Variants in TMEM268 observed in about 807,000 individuals in gnomAD.
TMEM268 encodes transmembrane protein 268, also known as transmembrane protein C9orf91.
TMEM268 carries 24 observed loss-of-function variants against 39.1 expected under a neutral mutation model. The ratio of observed to expected loss-of-function variants is 0.61; its 90% CI spans 0.44 to 0.86. The LOEUF (loss-of-function observed/expected upper bound fraction) is 0.86, where lower values mean the gene tolerates loss of function less well. TMEM268 is among the 40% of genes least tolerant of loss of function. The pLI is 0.00. For missense variants in TMEM268, 409 were observed against 428.6 expected, an observed-to-expected ratio of 0.95 and a Z score of 0.40; for synonymous variants, 176 against 173.5, an observed-to-expected ratio of 1.01 and a Z score of -0.12.
intron 6 of TMEM268, among the ~76,000 whole-genome samples, chr9:114,635,689 G>C (rs566322961): frequency 6.6e-6 from 1 of 152,082 alleles, no homozygotes; most frequent in African/African-American, 2.4e-5. Context: ...AAAAAAAAAA[G>C]AATGGACACA....
At chr9:114,613,781 T>C (rs1845599296) in intron 1 of TMEM268, among the ~76,000 whole-genome samples, 1 of 152,112 alleles carries the variant, frequency 6.6e-6, no homozygotes, top group African/African-American at 2.4e-5. Context: ...TAAGGGTGAT[T>C]TCATGAACAT....
chr9:114,624,525 A>G, intron 3 of TMEM268, 66 bp downstream of exon 3: 1 of 1,530,082 alleles, frequency 6.5e-7, no homozygotes, highest in Non-Finnish European at 8.8e-7. Flanking sequence ...CTATCTTTTC[A>G]TCCAGTTTTT....
intron 6 of TMEM268, among the ~76,000 whole-genome samples, chr9:114,636,215 C>T (rs896754848): frequency 1.3e-5 from 2 of 152,070 alleles, no homozygotes; most frequent in African/African-American, 4.8e-5. Flanking sequence ...TTGGCCGGCC[C>T]CTGGGGTGGA....
Position 114,634,537 on chromosome 9 carries a change from C to T in TMEM268, c.585+659C>T, listed in dbSNP as rs189687838. ...AGGGTGGGTCAGAACACAGTTAGGC[C>T]AGATCTCCTGATCCTGGCTGAACTC... On this transcript the variant is annotated intron_variant, in intron 6 of 8. Transcript: ENST00000288502. 3.6e-3 allele frequency among the ~76,000 whole-genome samples: 542 copies of T among 152,266 alleles called. 3 individuals carry two copies. Among genetic ancestry groups the T allele is most frequent in the African/African-American group, 0.012 (518 of 41,548 alleles).
chr9:114,607,509 G>T (rs1198442467), upstream of TMEM268, among the ~76,000 whole-genome samples: 4 of 152,110 alleles, frequency 2.6e-5, no homozygotes, highest in Non-Finnish European at 5.9e-5. Context: ...TAAAAAATTA[G>T]CCGGGAATGG....
rs570090220 is a variant in TMEM268, at chr9:114,633,851, A to T, written c.558A>T (p.Thr186=). ...RHRVLLGVTD[T]VEGCQSVIQL... ...GGGTGCTGCTGGGGGTGACAGACAC[A>T]GTGGAAGGATGCCAGAGTGTGATTC... The change falls in exon 6 of 9, where the codon ACA becomes ACT. Residue 186 remains threonine, a synonymous_variant. Transcript: ENST00000288502. 3 of 1,602,204 alleles carry T rather than the reference A, an allele frequency of 1.9e-6. No homozygotes were observed. The highest frequency in any genetic ancestry group is 1.3e-5 in the African/African-American group (1 of 74,480).
chr9:114,628,861 C>T (rs116916731), intron 5 of TMEM268, among the ~76,000 whole-genome samples: 4,422 of 152,262 alleles, frequency 0.029, 122 homozygotes, highest in East Asian at 0.14. Context: ...TGGATACCTC[C>T]CAGCTTGATG....
intron 1 of TMEM268, among the ~76,000 whole-genome samples, chr9:114,616,701 C>T (rs953298209): frequency 2.4e-4 from 36 of 151,364 alleles, no homozygotes; most frequent in Non-Finnish European, 3.1e-4. Context: ...TTTGCAGTGT[C>T]TTACAGGAAG....
chr9:114,612,771 C>T (rs1329681445), intron 1 of TMEM268, among the ~76,000 whole-genome samples: 2 of 152,206 alleles, frequency 1.3e-5, no homozygotes, highest in Non-Finnish European at 2.9e-5. Context: ...TGCTCCCTCT[C>T]ACTGCCTTGT....
chr9:114,613,745 T>TTTTTGTTTTG (rs373600962), intron 1 of TMEM268, among the ~76,000 whole-genome samples: 1 of 152,126 alleles, frequency 6.6e-6, no homozygotes, highest in Admixed American at 6.5e-5. Context: ...GACTCACTCT[T>TTTTTGTTTTG]TTTTGTTTTG....
intron 1 of TMEM268, among the ~76,000 whole-genome samples, chr9:114,616,215 C>T (rs1402847698): frequency 6.6e-6 from 1 of 151,270 alleles, no homozygotes; most frequent in Admixed American, 6.6e-5. Flanking sequence ...CGGGGTTTCC[C>T]CATGTTAGCC....
upstream of TMEM268, among the ~76,000 whole-genome samples, chr9:114,609,172 G>A (rs1056775058): frequency 6.6e-6 from 1 of 151,966 alleles, no homozygotes; most frequent in Non-Finnish European, 1.5e-5. Context: ...TTAGCCAGGC[G>A]TGGTGGCACA....
chr9:114,618,461 C>T (rs1235477015), intron 2 of TMEM268, among the ~76,000 whole-genome samples: 1 of 151,938 alleles, frequency 6.6e-6, no homozygotes, highest in Admixed American at 6.6e-5. Flanking sequence ...TCAAACAGTA[C>T]TTGAGTACAT....
At chr9:114,611,714 G>C (rs902104484) in intron 1 of TMEM268, 150 bp downstream of exon 1, 1 of 153,022 alleles carries the variant, frequency 6.5e-6, no homozygotes, top group Non-Finnish European at 1.5e-5. Flanking sequence ...GGCAGCCTGC[G>C]GGGGGTCCTT....
upstream of TMEM268, among the ~76,000 whole-genome samples, chr9:114,607,129 G>A (rs1220522112): frequency 1.3e-5 from 2 of 152,166 alleles, no homozygotes; most frequent in Admixed American, 6.5e-5. Flanking sequence ...TTTGGCTGGG[G>A]TTTGTGGTTA....
intron 6 of TMEM268, among the ~76,000 whole-genome samples, chr9:114,635,204 G>T (rs536718619): frequency 6.6e-6 from 1 of 151,976 alleles, no homozygotes; most frequent in East Asian, 1.9e-4. Context: ...TTAGCAGGGC[G>T]TGGCAGTGTG....
upstream of TMEM268, among the ~76,000 whole-genome samples, chr9:114,606,546 T>C (rs577755906): frequency 7.2e-5 from 11 of 152,350 alleles, no homozygotes; most frequent in Admixed American, 1.3e-4. Context: ...ATAGCTCACA[T>C]TTATTAACAT....
chr9:114,629,677 G>C (rs1158983494), intron 5 of TMEM268, among the ~76,000 whole-genome samples: 1 of 152,158 alleles, frequency 6.6e-6, no homozygotes, highest in Non-Finnish European at 1.5e-5. Flanking sequence ...CCACCTACTT[G>C]GGAAGCTCTT....
At chr9:114,626,312 G>A (rs1197151701) in intron 3 of TMEM268, among the ~76,000 whole-genome samples, 4 of 152,068 alleles carry the variant, frequency 2.6e-5, no homozygotes, top group East Asian at 3.9e-4. Context: ...CTACTCTCAC[G>A]GGGCCTTTAT....
Sources: allele counts gnomAD v4.1 joint callset (sites outside exome capture counted in the v4.1 genomes callset), GRCh38; gene constraint gnomAD v4.1.1; transcripts MANE v1.5; gene names NCBI Gene and HGNC (gene_info 2026-07-23, HGNC 2026-07-21).